Variants in CACNA1C observed in about 807,000 individuals in gnomAD.
The protein encoded by CACNA1C is voltage-dependent L-type calcium channel subunit alpha-1C.
CACNA1C carries 30 observed loss-of-function variants against 229.0 expected under a neutral mutation model. The ratio of observed to expected loss-of-function variants is 0.13; its 90% confidence interval spans 0.10 to 0.18. The LOEUF (loss-of-function observed/expected upper bound fraction) is 0.18, where lower values mean the gene tolerates loss of function less well. Among genes scored for constraint, CACNA1C ranks in the 10% least tolerant of loss-of-function variants. The pLI is 1.00. For synonymous variants in CACNA1C, 1,114 were observed against 1,132.5 expected (o/e 0.98, Z 0.33); for missense variants, 1,658 against 2,845.0 (o/e 0.58, Z 9.49).
chr12:2,581,725 C>A lies in CACNA1C; in HGVS notation c.2031C>A (p.Phe677Leu). 4 of 1,613,520 alleles carry A rather than the reference C, an allele frequency of 2.5e-6. No homozygotes were observed. Among genetic ancestry groups the A allele is most frequent in the Non-Finnish European group, 3.4e-6 (4 of 1,179,672 alleles). The stretch of plus-strand genomic sequence containing the variant: ...GGATGCAGCTCTTTGGAGGAAAGTT[C>A]AACTTTGATGAGATGCAGACCCGGA... ...LLGMQLFGGK[F>L]NFDEMQTRRS... Residue 677 changes from phenylalanine to leucine, a missense_variant, in exon 14 of 47, where the codon TTC (phenylalanine) becomes TTA (leucine). This residue lies in a region of CACNA1C where 30 missense variants were observed against 73.2 expected (regional missense o/e 0.41). Coordinates refer to ENST00000399655, the MANE Select transcript of CACNA1C (RefSeq NM_000719.7).
chr12:2,590,483 C>A (rs1568621960), intron 18 of CACNA1C, among the ~76,000 whole-genome samples: 1 of 152,222 alleles, frequency 6.6e-6, no homozygotes, highest in Non-Finnish European at 1.5e-5. Context: ...TTTCCCTGAT[C>A]TGTCAGCATC....
chr12:2,437,869 GGTA>G (rs1158265043), intron 3 of CACNA1C, among the ~76,000 whole-genome samples: 8 of 151,128 alleles, frequency 5.3e-5, no homozygotes, highest in African/African-American at 1.9e-4. Context: ...TGATGGTGGT[GGTA>G]ATGGTGGTGG....
rs1286487050 is a variant in CACNA1C at position 2,602,052 on chromosome 12, G to C, written c.2960+92G>C. 6.1e-6 allele frequency: 5 copies of C among 817,652 alleles called. No individual in the cohort carries two copies. In the South Asian group the frequency reaches 7.2e-5, roughly 12 times the overall value. 50.6% of individuals were successfully genotyped at this position (817,652 alleles called of 1,614,324 possible). A position where few individuals can be genotyped will look rare whatever the true frequency, so the allele number is the denominator to read the frequency against. Reference sequence around the variant, plus strand: ...AGACCCTGGAGGGCCTGCCTGCAGGGCCACCGCAGTGTGATGAGAGTGGGG... The same window carrying C: ...AGACCCTGGAGGGCCTGCCTGCAGGCCCACCGCAGTGTGATGAGAGTGGGG... On this transcript the variant is annotated intron_variant, in intron 22 of 46. Coordinates refer to ENST00000399655, the MANE Select transcript of CACNA1C (RefSeq NM_000719.7). This position sits in a 1 kb window ranked among gnomAD's most constrained non-coding sequence, Gnocchi z 4.4.
chr12:2,419,014 T>C (rs2098946340), intron 3 of CACNA1C, among the ~76,000 whole-genome samples: 2 of 152,134 alleles, frequency 1.3e-5, no homozygotes, highest in Non-Finnish European at 2.9e-5. Flanking sequence ...AAATAAGCAC[T>C]AGGAGGGAGC....
intron 34 of CACNA1C, among the ~76,000 whole-genome samples, chr12:2,656,728 C>A (rs888592591): frequency 6.6e-6 from 1 of 152,176 alleles, no homozygotes; most frequent in African/African-American, 2.4e-5. Flanking sequence ...GGCATAAAAA[C>A]GGACACATAG....
intron 1 of CACNA1C, among the ~76,000 whole-genome samples, chr12:2,099,872 T>C (rs1476142355): frequency 6.6e-6 from 1 of 152,004 alleles, no homozygotes; most frequent in Non-Finnish European, 1.5e-5. Flanking sequence ...GAGTGTGATG[T>C]TCATTAACTC....
chr12:2,145,381 C>T (rs1257716050), intron 3 of CACNA1C, among the ~76,000 whole-genome samples: 6 of 150,898 alleles, frequency 4.0e-5, no homozygotes, highest in African/African-American at 1.5e-4. Context: ...GTTTATTCTG[C>T]TGGGTCTTTG....
chr12:2,407,018 G>A (rs2098745131), intron 3 of CACNA1C, among the ~76,000 whole-genome samples: 1 of 152,256 alleles, frequency 6.6e-6, no homozygotes, highest in Non-Finnish European at 1.5e-5. Flanking sequence ...GTGAGGCAGG[G>A]CCTCCTCATT....
intron 5 of CACNA1C, among the ~76,000 whole-genome samples, chr12:2,458,509 A>G (rs150044191): frequency 6.6e-6 from 1 of 152,142 alleles, no homozygotes; most frequent in East Asian, 1.9e-4. Flanking sequence ...TTCCCTCTTC[A>G]GTTTGTGGTA....
rs1437841044 is a variant in CACNA1C, at chr12:2,504,769, G to A, written c.1114-73G>A. ...CTGGCGCTGCGTGGGTCAGTGTCTC[G>A]GGAGCCGGGGACCGGCACTGGCCGT... On this transcript the variant is annotated intron_variant, in intron 7 of 46. Transcript: ENST00000399655. The surrounding 1 kb of genome is among the most constrained non-coding windows in gnomAD (Gnocchi z 6.8). 11 of 958,768 alleles carry A rather than the reference G, an allele frequency of 1.1e-5. No individual in the cohort carries two copies. The highest frequency in any genetic ancestry group is 1.8e-5 in the Non-Finnish European group (11 of 596,530). 59.4% of individuals were successfully genotyped at this position (958,768 alleles called of 1,614,324 possible).
chr12:2,449,664 C>T (rs559651745), intron 4 of CACNA1C, among the ~76,000 whole-genome samples: 16 of 152,378 alleles, frequency 1.1e-4, no homozygotes, highest in African/African-American at 3.8e-4. Flanking sequence ...CCACCACTCC[C>T]ACACAGCATG....
intron 3 of CACNA1C, among the ~76,000 whole-genome samples, chr12:2,284,404 T>C (rs2092268075): frequency 6.6e-6 from 1 of 150,692 alleles, no homozygotes; most frequent in Non-Finnish European, 1.5e-5. Flanking sequence ...GCTGCCAAGA[T>C]GGAATGAATG....
intron 7 of CACNA1C, among the ~76,000 whole-genome samples, chr12:2,495,657 C>G (rs2099745229): frequency 6.6e-6 from 1 of 152,344 alleles, no homozygotes. Flanking sequence ...GCCTTCTCCC[C>G]TGGGGAGCGT....
intron 1 of CACNA1C, among the ~76,000 whole-genome samples, chr12:2,040,709 G>A (rs932502891): frequency 1.3e-5 from 2 of 152,230 alleles, no homozygotes; most frequent in Non-Finnish European, 2.9e-5. Flanking sequence ...GTTGGACCAA[G>A]AAAGATTATT....
intron 1 of CACNA1C, among the ~76,000 whole-genome samples, chr12:1,980,639 A>G (rs1294399200): frequency 9.2e-6 from 1 of 108,402 alleles, no homozygotes; most frequent in Admixed American, 9.0e-5. Flanking sequence ...GTAAATGCTT[A>G]TAAGTGTCAT....
At chr12:2,277,083 G>T (rs2088597995) in intron 3 of CACNA1C, among the ~76,000 whole-genome samples, 1 of 152,098 alleles carries the variant, frequency 6.6e-6, no homozygotes, top group Admixed American at 6.5e-5. Context: ...AATATTAATA[G>T]CTGACATTTG....
intron 1 of CACNA1C, among the ~76,000 whole-genome samples, chr12:2,083,829 A>G (rs1272594840): frequency 6.6e-6 from 1 of 152,200 alleles, no homozygotes; most frequent in Non-Finnish European, 1.5e-5. Flanking sequence ...AGTGCTTTAT[A>G]TATTAAATGC....
chr12:2,110,847 G>A (rs1303062312), intron 1 of CACNA1C, among the ~76,000 whole-genome samples: 1 of 152,212 alleles, frequency 6.6e-6, no homozygotes. Context: ...ATATGTCTGA[G>A]GTCAGGGTGG....
chr12:2,540,154 C>T (rs1012244229), intron 9 of CACNA1C, among the ~76,000 whole-genome samples: 1 of 152,114 alleles, frequency 6.6e-6, no homozygotes, highest in African/African-American at 2.4e-5. Flanking sequence ...GCCCATGGGC[C>T]GGCCCAAGCA....
Sources: allele counts gnomAD v4.1 joint callset (sites outside exome capture counted in the v4.1 genomes callset), GRCh38; gene constraint gnomAD v4.1.1; regional missense constraint gnomAD v4.1.1; non-coding constraint Gnocchi (gnomAD v3.1); transcripts MANE v1.5; gene names NCBI Gene and HGNC (gene_info 2026-07-23, HGNC 2026-07-21).